Variants in PCDH9 observed in about 807,000 individuals in gnomAD.
PCDH9 encodes the protein protocadherin-9.
A neutral mutation model predicts 70.6 loss-of-function variants in PCDH9; 24 were observed. The observed-to-expected ratio is 0.34, with a 90% CI of 0.25 to 0.48. The LOEUF is 0.48. Ranked by LOEUF, PCDH9 falls within the 20% of genes least tolerant of loss-of-function variation. PCDH9 has a pLI of 0.99. For missense variants in PCDH9, 1,281 were observed against 1,503.6 expected, an observed-to-expected ratio of 0.85 and a Z score of 2.45; for synonymous variants, 562 against 558.5, an observed-to-expected ratio of 1.01 and a Z score of -0.09.
intron 4 of PCDH9, among the ~76,000 whole-genome samples, chr13:66,351,465 A>G (rs1003707958): frequency 1.3e-5 from 2 of 152,070 alleles, no homozygotes; most frequent in African/African-American, 4.8e-5. Flanking sequence ...AAGACGTTCG[A>G]TTTATAATTG....
intron 3 of PCDH9, among the ~76,000 whole-genome samples, chr13:66,737,346 T>C (rs987187878): frequency 1.3e-5 from 2 of 152,234 alleles, no homozygotes; most frequent in African/African-American, 4.8e-5. Context: ...CCACTGGTTC[T>C]TGAAACTTTC....
chr13:66,327,756 C>G (rs1158158472), intron 4 of PCDH9, among the ~76,000 whole-genome samples: 1 of 152,030 alleles, frequency 6.6e-6, no homozygotes, highest in African/African-American at 2.4e-5. Flanking sequence ...TATTTGTGAG[C>G]ATCAAAAATC....
At chr13:67,016,704 C>T (rs2084568934) in intron 2 of PCDH9, among the ~76,000 whole-genome samples, 3 of 152,186 alleles carry the variant, frequency 2.0e-5, no homozygotes, top group Admixed American at 2.0e-4. Context: ...AAAGCTACTA[C>T]TTATCAAACT....
chr13:66,432,557 G>A (rs917758009), intron 4 of PCDH9, among the ~76,000 whole-genome samples: 2 of 151,854 alleles, frequency 1.3e-5, no homozygotes, highest in Non-Finnish European at 2.9e-5. Context: ...AAGGCATGTT[G>A]GAAAGGCATC....
At chr13:66,939,202 AAC>A (rs1251645279) in intron 2 of PCDH9, among the ~76,000 whole-genome samples, 1 of 152,128 alleles carries the variant, frequency 6.6e-6, no homozygotes, top group Non-Finnish European at 1.5e-5. Flanking sequence ...AATCATTAAA[AAC>A]ACTGCTTAAA....
At chr13:66,495,444 G>A (rs1959099769) in intron 4 of PCDH9, among the ~76,000 whole-genome samples, 1 of 152,116 alleles carries the variant, frequency 6.6e-6, no homozygotes, top group Non-Finnish European at 1.5e-5. Flanking sequence ...TTATTCAACG[G>A]TATCTCCTTC....
chr13:67,137,801 G>A (rs569083743), intron 2 of PCDH9, among the ~76,000 whole-genome samples: 4 of 151,972 alleles, frequency 2.6e-5, no homozygotes, highest in African/African-American at 4.8e-5. Context: ...CAGCCACAGG[G>A]ATTATTTGAT....
At chr13:66,728,895 A>G (rs1256080009) in intron 3 of PCDH9, among the ~76,000 whole-genome samples, 1 of 151,958 alleles carries the variant, frequency 6.6e-6, no homozygotes, top group Non-Finnish European at 1.5e-5. Context: ...CCTGATTCCA[A>G]AATGTTAGCT....
At position 67,132,188 on chromosome 13, in the gene PCDH9, A is replaced by G. The variant is rs182483050; in HGVS notation, c.3036+93217T>C. Among the ~76,000 whole-genome samples the G allele has an allele frequency of 5.5e-3, 845 of 152,296 alleles. 11 individuals carry two copies. The highest frequency in any genetic ancestry group is 0.019 in the African/African-American group (797 of 41,572). On this transcript the variant is annotated intron_variant, in intron 2 of 4. Transcript: ENST00000377865. ...AGAGTTAGTTGATTTTCCTGTCTAT[A>G]AAAACAAGAAAAGAATGACTATTAC...
chr13:66,931,075 C>G (rs1358714701), intron 2 of PCDH9, among the ~76,000 whole-genome samples: 2 of 152,126 alleles, frequency 1.3e-5, no homozygotes, highest in Non-Finnish European at 2.9e-5. Context: ...TCCACATCAG[C>G]TAATGTTTTT....
chr13:66,445,550 CAT>C (rs1362101251), intron 4 of PCDH9, among the ~76,000 whole-genome samples: 1 of 138,638 alleles, frequency 7.2e-6, no homozygotes, highest in East Asian at 2.1e-4. Context: ...TATATATACA[CAT>C]ATATAATATA....
At chr13:66,986,030 G>C (rs1206944314) in intron 2 of PCDH9, among the ~76,000 whole-genome samples, 1 of 152,028 alleles carries the variant, frequency 6.6e-6, no homozygotes, top group African/African-American at 2.4e-5. Context: ...AGAGCTGCCA[G>C]AGACTGGGTA....
At chr13:66,943,358 C>A (rs1236111606) in intron 2 of PCDH9, among the ~76,000 whole-genome samples, 1 of 151,900 alleles carries the variant, frequency 6.6e-6, no homozygotes, top group Non-Finnish European at 1.5e-5. Context: ...TCAAGTAGGA[C>A]AATGAAAGAT....
chr13:67,184,245 A>G (rs371920165), intron 2 of PCDH9, among the ~76,000 whole-genome samples: 1 of 152,198 alleles, frequency 6.6e-6, no homozygotes, highest in Non-Finnish European at 1.5e-5. Flanking sequence ...ACTGGAAATT[A>G]AGGCATACAG....
At chr13:66,978,868 AT>A (rs2083678517) in intron 2 of PCDH9, among the ~76,000 whole-genome samples, 1 of 151,130 alleles carries the variant, frequency 6.6e-6, no homozygotes, top group Admixed American at 6.6e-5. Flanking sequence ...TTATATATGC[AT>A]ATGTATGAAG....
intron 4 of PCDH9, among the ~76,000 whole-genome samples, chr13:66,364,896 A>G (rs1192530995): frequency 6.6e-6 from 1 of 152,196 alleles, no homozygotes; most frequent in Non-Finnish European, 1.5e-5. Context: ...CTCAAGTCAA[A>G]TAGAGGCTCT....
chr13:66,713,633 A>G (rs1055382492), intron 3 of PCDH9, among the ~76,000 whole-genome samples: 6 of 136,870 alleles, frequency 4.4e-5, no homozygotes, highest in African/African-American at 1.4e-4. Context: ...GTGTATATAT[A>G]TATATATATA....
At chr13:66,838,970 A>G (rs1407904586) in intron 3 of PCDH9, among the ~76,000 whole-genome samples, 2 of 152,098 alleles carry the variant, frequency 1.3e-5, no homozygotes, top group African/African-American at 4.8e-5. Flanking sequence ...AACTCCCTCA[A>G]ATGATTATCC....
At chr13:66,673,567 G>A (rs1351059629) in intron 3 of PCDH9, among the ~76,000 whole-genome samples, 1 of 152,144 alleles carries the variant, frequency 6.6e-6, no homozygotes, top group African/African-American at 2.4e-5. Flanking sequence ...GAGGCTACCA[G>A]AAGCTGGCAC....
Sources: gnomAD v4.1 joint callset for allele counts (sites outside exome capture counted in the v4.1 genomes callset) on GRCh38, gnomAD v4.1.1 for gene constraint, MANE v1.5 for transcripts, NCBI Gene and HGNC (gene_info 2026-07-23, HGNC 2026-07-21) for gene names.